The following RDH10 variants were observed in gnomAD, a reference collection of about 807,000 sequenced individuals.
The protein encoded by RDH10 is retinol dehydrogenase 10 (all-trans).
In RDH10, 12 loss-of-function variants were observed where a neutral mutation model predicts 30.2. The ratio of observed to expected loss-of-function variants is 0.40; its 90% CI spans 0.25 to 0.64. RDH10 has a LOEUF of 0.64. RDH10 is among the 30% of genes least tolerant of loss of function. The pLI is 0.43. For missense variants in RDH10, 268 were observed against 445.2 expected, an observed-to-expected ratio of 0.60 and a Z score of 3.58; for synonymous variants, 189 against 172.2, an observed-to-expected ratio of 1.10 and a Z score of -0.76.
intron 2 of RDH10, among the ~76,000 whole-genome samples, chr8:73,306,625 C>CT (rs1430863694): frequency 6.6e-6 from 1 of 152,216 alleles, no homozygotes; most frequent in Non-Finnish European, 1.5e-5. Flanking sequence ...TGACAAGCCA[C>CT]TTACAATGAA....
intron 2 of RDH10, among the ~76,000 whole-genome samples, chr8:73,314,490 G>A (rs1486639516): frequency 6.6e-6 from 1 of 152,244 alleles, no homozygotes; most frequent in African/African-American, 2.4e-5. Flanking sequence ...CAAAGGAAAT[G>A]ATTAACAGCC....
At chr8:73,302,338 A>G (rs1814394306) in intron 2 of RDH10, among the ~76,000 whole-genome samples, 1 of 152,256 alleles carries the variant, frequency 6.6e-6, no homozygotes, top group Non-Finnish European at 1.5e-5. Flanking sequence ...ACACTAGCAT[A>G]GAAATTATTC....
At chr8:73,317,562 G>A (rs1022384250) in intron 2 of RDH10, among the ~76,000 whole-genome samples, 2 of 152,066 alleles carry the variant, frequency 1.3e-5, no homozygotes, top group African/African-American at 4.8e-5. Flanking sequence ...TAATTGGTGG[G>A]AGCACAGAAA....
chr8:73,311,187 CT>C (rs772836292), intron 2 of RDH10: 2 of 152,326 alleles, frequency 1.3e-5, no homozygotes, highest in South Asian at 4.1e-4. Context: ...CTTTGGACAT[CT>C]CCTCTTGTCT....
chr8:73,321,199 C>A, intron 4 of RDH10, 122 bp downstream of exon 4: 1 of 953,570 alleles, frequency 1.0e-6, no homozygotes, highest in Non-Finnish European at 1.5e-6. Flanking sequence ...TTTTATTGGT[C>A]AAGATTTGTA....
chr8:73,295,167 G>A lies in RDH10; in HGVS notation c.-123G>A. ...CCCGGCGGGCACCTCGGGGGCGGGC[G>A]CGGGGCGCAGCCTTCTCGTCCCGGC... On this transcript the variant is annotated 5_prime_UTR_variant, in exon 1 of 6. Coordinates refer to ENST00000240285, the MANE Select transcript of RDH10 (RefSeq NM_172037.5). 3.1e-6 allele frequency: 3 copies of A among 954,988 alleles called. No individual in the cohort carries two copies. Among genetic ancestry groups the A allele is most frequent in the Non-Finnish European group, 2.9e-6 (2 of 696,464 alleles). The allele number at this position is 954,988 out of a possible 1,614,324, so 59.2% of individuals were successfully genotyped here.
At chr8:73,298,547 G>A (rs542235839) in intron 2 of RDH10, among the ~76,000 whole-genome samples, 22 of 150,870 alleles carry the variant, frequency 1.5e-4, no homozygotes, top group Admixed American at 4.6e-4. Context: ...TTTATTTTTC[G>A]AGATGGAGTC....
chr8:73,295,601 C>A, intron 1 of RDH10, 23 bp downstream of exon 1: 1 of 1,471,364 alleles, frequency 6.8e-7, no homozygotes. Context: ...CGCGCGGGAG[C>A]ATTGTTGGGT....
Position 73,295,364 on chromosome 8 carries a change from G to C in RDH10, c.75G>C (p.Trp25Cys). 6.4e-7 allele frequency: 1 copy of C among 1,559,434 alleles called. No homozygotes were observed. Among genetic ancestry groups the C allele is most frequent in the Non-Finnish European group, 8.7e-7 (1 of 1,153,450 alleles). The change falls in exon 1 of 6, where the codon TGG (tryptophan) becomes TGC (cysteine). Residue 25 changes from tryptophan to cysteine, a missense_variant. Physicochemically the swap from Trp to Cys is radical, Grantham distance 215. Transcript: ENST00000240285. ...LWAFVLAAARWLVRPKEKSVA... is the reference protein window; with the variant it reads ...LWAFVLAAARCLVRPKEKSVA... Reference sequence around the variant, plus strand: ...CGTTCGTGCTGGCCGCGGCGCGCTGGCTGGTGCGGCCCAAGGAGAAGAGCG... The same window carrying C: ...CGTTCGTGCTGGCCGCGGCGCGCTGCCTGGTGCGGCCCAAGGAGAAGAGCG...
chr8:73,314,814 T>C (rs1307239579), intron 2 of RDH10, among the ~76,000 whole-genome samples: 4 of 152,222 alleles, frequency 2.6e-5, no homozygotes, highest in South Asian at 2.1e-4. Flanking sequence ...ATAAAAAATA[T>C]GGATCTTTGT....
At chr8:73,298,895 A>G (rs1159026241) in intron 2 of RDH10, among the ~76,000 whole-genome samples, 1 of 151,964 alleles carries the variant, frequency 6.6e-6, no homozygotes, top group African/African-American at 2.4e-5. Flanking sequence ...GCTCACTGCA[A>G]CCTCCACCTC....
intron 2 of RDH10, chr8:73,297,688 A>G (rs1460003188): frequency 1.7e-5 from 6 of 359,478 alleles, no homozygotes; most frequent in African/African-American, 4.3e-5. Flanking sequence ...AAAGATTGCC[A>G]TAAAAATAAC....
At chr8:73,308,534 A>G (rs1278615556) in intron 2 of RDH10, among the ~76,000 whole-genome samples, 4 of 152,196 alleles carry the variant, frequency 2.6e-5, no homozygotes, top group African/African-American at 9.7e-5. Flanking sequence ...CGGAGTCTAC[A>G]GTCCCTGTCT....
intron 1 of RDH10, 179 bp from the exon 2 acceptor site, chr8:73,297,015 A>G (rs998886573): frequency 3.4e-6 from 2 of 589,964 alleles, no homozygotes; most frequent in Non-Finnish European, 6.1e-6. Flanking sequence ...CAAAGACTTC[A>G]TGGGAGGAAG....
Position 73,324,727 on chromosome 8 carries a change from T to A in RDH10, c.*1691T>A, listed in dbSNP as rs1814838437. 6.6e-6 allele frequency: 1 copy of A among 152,154 alleles called. No homozygotes were observed. The highest frequency in any genetic ancestry group is 2.1e-4 in the South Asian group (1 of 4,826). 9.4% of individuals were successfully genotyped at this position (152,154 alleles called of 1,614,324 possible). ...GGTGCCTGCACTCAAATAGCCGATGTTACTGTCCCTAGATTAGAGACTTGA... is the reference window on the plus strand; with the variant it reads ...GGTGCCTGCACTCAAATAGCCGATGATACTGTCCCTAGATTAGAGACTTGA... On this transcript the variant is annotated 3_prime_UTR_variant, in exon 6 of 6. Transcript: ENST00000240285.
chr8:73,318,667 A>G (rs1254906272), intron 2 of RDH10, among the ~76,000 whole-genome samples: 2 of 152,252 alleles, frequency 1.3e-5, no homozygotes, highest in Non-Finnish European at 2.9e-5. Context: ...GCCGTAAGGC[A>G]CACATTAATA....
intron 2 of RDH10, chr8:73,315,626 C>T (rs1019153375): frequency 1.5e-5 from 7 of 454,854 alleles, no homozygotes; most frequent in Non-Finnish European, 2.7e-5. Context: ...GACCAGAGCA[C>T]GTGAATACAG....
At position 73,295,552 on chromosome 8, in the gene RDH10, A is replaced by C; in HGVS notation, c.263A>C (p.Glu88Ala). The C allele has an allele frequency of 6.5e-7, 1 of 1,540,808 alleles. No individual in the cohort carries two copies. The highest frequency in any genetic ancestry group is 8.7e-7 in the Non-Finnish European group (1 of 1,144,764). The change falls in exon 1 of 6, where the codon GAG becomes GCG. Residue 88 changes from glutamate (E) to alanine (A), a missense_variant. This residue lies in a region of RDH10 where 46 missense variants were observed against 36.7 expected (regional missense o/e 1.25). Transcript: ENST00000240285. ...GTGCGCCACATCTACCGCGACCTGG[A>C]GGCGGCCGACGCCGCTGCGCTGCAA... ...GMVRHIYRDLEAADAAALQAG... is the reference protein window; with the variant it reads ...GMVRHIYRDLAAADAAALQAG...
intron 2 of RDH10, among the ~76,000 whole-genome samples, chr8:73,318,056 G>A (rs1586195702): frequency 6.6e-6 from 1 of 152,074 alleles, no homozygotes; most frequent in Non-Finnish European, 1.5e-5. Context: ...GTTTGGTTGT[G>A]TGGGTTTTTT....
Sources: allele counts gnomAD v4.1 joint callset (sites outside exome capture counted in the v4.1 genomes callset), GRCh38; gene constraint gnomAD v4.1.1; regional missense constraint gnomAD v4.1.1; transcripts MANE v1.5; gene names NCBI Gene and HGNC (gene_info 2026-07-23, HGNC 2026-07-21).